The following SERTAD4 variants were observed in gnomAD, a reference collection of about 807,000 sequenced individuals.
The protein encoded by SERTAD4 is SERTA domain containing 4.
Under a neutral mutation model 32.9 loss-of-function variants are expected in SERTAD4, and 18 were observed. The ratio of observed to expected loss-of-function variants is 0.55; its 90% CI spans 0.38 to 0.81. The LOEUF (loss-of-function observed/expected upper bound fraction) is 0.81, where lower values mean the gene tolerates loss of function less well. Among genes scored for constraint, SERTAD4 ranks in the 30% least tolerant of loss-of-function variants. The pLI is 0.00. For synonymous variants in SERTAD4, 150 were observed against 156.4 expected (o/e 0.96, Z 0.30); for missense variants, 383 against 426.0 (o/e 0.90, Z 0.89).
At position 210,242,600 on chromosome 1, in the gene SERTAD4, A is replaced by C; in HGVS notation, c.*263A>C. The C allele has an allele frequency of 8.4e-7, 1 of 1,186,774 alleles. No individual in the cohort carries two copies. Among genetic ancestry groups the C allele is most frequent in the Admixed American group, 4.3e-5 (1 of 23,514 alleles). The allele number at this position is 1,186,774 out of a possible 1,614,324, so 73.5% of individuals were successfully genotyped here. On this transcript the variant is annotated 3_prime_UTR_variant, in exon 4 of 4. Coordinates refer to ENST00000367012, the MANE Select transcript of SERTAD4 (RefSeq NM_019605.5). This position sits in a 1 kb window ranked among gnomAD's most constrained non-coding sequence, Gnocchi z 4.0. ...ATATCATAGTTTTCTTACGGAAAAG[A>C]TCAGTAGATGAGATTGGGGGACAAT...
At position 210,245,742 on chromosome 1, in the gene SERTAD4, C is replaced by A; in HGVS notation, c.*3405C>A. On this transcript the variant is annotated 3_prime_UTR_variant, in exon 4 of 4. Coordinates refer to ENST00000367012, the MANE Select transcript of SERTAD4 (RefSeq NM_019605.5). ...CTCCATCAAGACATGGCTACCCACC[C>A]CTCCAGTTATGAACTTGTATTACAG... The A allele has an allele frequency of 7.4e-6, 7 of 948,320 alleles. No homozygotes were observed. The highest frequency in any genetic ancestry group is 8.8e-6 in the Non-Finnish European group (7 of 796,158). 58.7% of individuals were successfully genotyped at this position (948,320 alleles called of 1,614,324 possible). A position where few individuals can be genotyped will look rare whatever the true frequency, so the allele number is the denominator to read the frequency against.
intron 1 of SERTAD4, among the ~76,000 whole-genome samples, chr1:210,236,119 A>G (rs1296236726): frequency 6.6e-6 from 1 of 152,240 alleles, no homozygotes; most frequent in Non-Finnish European, 1.5e-5. Flanking sequence ...GGAGTTTGAG[A>G]AATGATAGAC....
Position 210,242,354 on chromosome 1 carries a change from A to C in SERTAD4, c.*17A>C, listed in dbSNP as rs1359139946. The stretch of plus-strand genomic sequence containing the variant: ...AAAATATGAGCCATCTTCTCACCGA[A>C]CTTTGAAGCATGCACAGCATGATCA... On this transcript the variant is annotated 3_prime_UTR_variant, in exon 4 of 4. Transcript: ENST00000367012. This position sits in a 1 kb window ranked among gnomAD's most constrained non-coding sequence, Gnocchi z 4.0. The C allele has an allele frequency of 6.5e-7, 1 of 1,542,002 alleles. No homozygotes were observed. Among genetic ancestry groups the C allele is most frequent in the Non-Finnish European group, 8.7e-7 (1 of 1,149,902 alleles).
Position 210,244,365 on chromosome 1 carries a change from AT to A in SERTAD4, c.*2032del, listed in dbSNP as rs1031206701. ...AGGTTATGTCTGAAAGAATGTAAAG[AT>A]TTTCCTTTCTGGAGTGTCTCTGAAA... On this transcript the variant is annotated 3_prime_UTR_variant, in exon 4 of 4. Transcript: ENST00000367012. The A allele has an allele frequency of 6.6e-6, 1 of 152,190 alleles. No homozygotes were observed. The highest frequency in any genetic ancestry group is 1.5e-5 in the Non-Finnish European group (1 of 68,024). 9.4% of individuals were successfully genotyped at this position (152,190 alleles called of 1,614,324 possible). A position where few individuals can be genotyped will look rare whatever the true frequency, so the allele number is the denominator to read the frequency against.
chr1:210,245,136 A>G lies in SERTAD4; in HGVS notation c.*2799A>G, dbSNP rs1302810621. The G allele has an allele frequency of 6.6e-6, 1 of 152,184 alleles. No individual in the cohort carries two copies. The highest frequency in any genetic ancestry group is 1.9e-4 in the East Asian group (1 of 5,200). 9.4% of individuals were successfully genotyped at this position (152,184 alleles called of 1,614,324 possible). ...TAGTTTTATCTCGAGCAACTTGGAA[A>G]AGCTAAGACATCCTCCACCCACACT... On this transcript the variant is annotated 3_prime_UTR_variant, in exon 4 of 4. Transcript: ENST00000367012.
At position 210,246,008 on chromosome 1, in the gene SERTAD4, T is replaced by C; in HGVS notation, c.*3671T>C. ...GCCCCTTAAATTTGAAGTTATTTCA[T>C]TTGTAGTTAAGGTTATCACATCCCT... is the stretch of plus-strand genomic sequence containing the variant. On this transcript the variant is annotated 3_prime_UTR_variant, in exon 4 of 4. Transcript: ENST00000367012. 1 of 868,686 alleles carries C rather than the reference T, an allele frequency of 1.2e-6. No homozygotes were observed. The highest frequency in any genetic ancestry group is 1.4e-6 in the Non-Finnish European group (1 of 723,500). The allele number at this position is 868,686 out of a possible 1,614,324, so 53.8% of individuals were successfully genotyped here. A position where few individuals can be genotyped will look rare whatever the true frequency, so the allele number is the denominator to read the frequency against.
chr1:210,246,430 C>T (rs1645731789), downstream of SERTAD4: 1 of 290,118 alleles, frequency 3.4e-6, no homozygotes, highest in South Asian at 1.3e-4. Flanking sequence ...TGGGAGAACT[C>T]ACTTAGGAAA....
chr1:210,243,022 T>G lies in SERTAD4; in HGVS notation c.*685T>G, dbSNP rs1558258999. 2 of 984,326 alleles carry G rather than the reference T, an allele frequency of 2.0e-6. No individual in the cohort carries two copies. Among genetic ancestry groups the G allele is most frequent in the African/African-American group, 3.5e-5 (2 of 56,586 alleles). 61.0% of individuals were successfully genotyped at this position (984,326 alleles called of 1,614,324 possible). A position where few individuals can be genotyped will look rare whatever the true frequency, so the allele number is the denominator to read the frequency against. On this transcript the variant is annotated 3_prime_UTR_variant, in exon 4 of 4. Coordinates refer to ENST00000367012, the MANE Select transcript of SERTAD4 (RefSeq NM_019605.5). Reference sequence around the variant, plus strand: ...ACAGGGCGATTTTTGGTGCCTTACTTTTATCTTAATTTTTGCCAATGTGAA... The same window carrying G: ...ACAGGGCGATTTTTGGTGCCTTACTGTTATCTTAATTTTTGCCAATGTGAA...
At chr1:210,238,383 C>G (rs1329561559) in intron 2 of SERTAD4, among the ~76,000 whole-genome samples, 1 of 152,174 alleles carries the variant, frequency 6.6e-6, no homozygotes, top group African/African-American at 2.4e-5. Flanking sequence ...AGTCATGTGT[C>G]TGTATTTTTA....
At position 210,245,094 on chromosome 1, in the gene SERTAD4, C is replaced by G. The variant is rs2084035372; in HGVS notation, c.*2757C>G. On this transcript the variant is annotated 3_prime_UTR_variant, in exon 4 of 4. Transcript: ENST00000367012. ...GGACACCCTTCATAGTAAGTTATATCTCTTAACTGGATTCTATAGTTTTAT... is the reference window on the plus strand; with the variant it reads ...GGACACCCTTCATAGTAAGTTATATGTCTTAACTGGATTCTATAGTTTTAT... 1 of 152,282 alleles carries G rather than the reference C, an allele frequency of 6.6e-6. No individual in the cohort carries two copies. The highest frequency in any genetic ancestry group is 1.5e-5 in the Non-Finnish European group (1 of 68,016). The allele number at this position is 152,282 out of a possible 1,614,324, so 9.4% of individuals were successfully genotyped here.
rs115873523 is a variant in SERTAD4 at position 210,235,400 on chromosome 1, A to G, written c.-18+2389A>G. Among the ~76,000 whole-genome samples, 387 of 152,274 alleles carry G rather than the reference A, an allele frequency of 2.5e-3. 1 individual carries two copies. The highest frequency in any genetic ancestry group is 8.9e-3 in the African/African-American group (370 of 41,548). On this transcript the variant is annotated intron_variant, in intron 1 of 3. Transcript: ENST00000367012. ...TGTAAGTTTTAAATAGACTAGGAAG[A>G]CTCAATTGCAAAATCTCCTCCCCGC...
At position 210,240,862 on chromosome 1, in the gene SERTAD4, T is replaced by G. The variant is rs1009356422; in HGVS notation, c.292-696T>G. On this transcript the variant is annotated intron_variant, in intron 3 of 3. Coordinates refer to ENST00000367012, the MANE Select transcript of SERTAD4 (RefSeq NM_019605.5). Reference sequence around the variant, plus strand: ...AATTGCAAGTATGAAACCCAAAGGATTAAAAGAGGGACAGCATTAAAAGCC... The same window carrying G: ...AATTGCAAGTATGAAACCCAAAGGAGTAAAAGAGGGACAGCATTAAAAGCC... 5.3e-5 allele frequency among the ~76,000 whole-genome samples: 8 copies of G among 152,192 alleles called. 1 individual carries two copies. Among genetic ancestry groups the G allele is most frequent in the African/African-American group, 1.9e-4 (8 of 41,434 alleles).
At chr1:210,246,498 C>G (rs1473566421), downstream of SERTAD4, 1 of 808,878 alleles carries the variant, frequency 1.2e-6, no homozygotes, top group Admixed American at 6.2e-5. Flanking sequence ...CCATAAAGTG[C>G]ATCAGCAAGT....
chr1:210,234,243 C>G (rs995798775), intron 1 of SERTAD4, among the ~76,000 whole-genome samples: 2 of 151,892 alleles, frequency 1.3e-5, no homozygotes, highest in Non-Finnish European at 2.9e-5. Context: ...GGCTGCCGCC[C>G]GCCTTCAAGA....
chr1:210,238,851 A>G (rs1272068566), intron 2 of SERTAD4, among the ~76,000 whole-genome samples: 1 of 152,226 alleles, frequency 6.6e-6, no homozygotes, highest in Non-Finnish European at 1.5e-5. Flanking sequence ...AGAAACTAAA[A>G]TATAAAACAA....
At position 210,243,093 on chromosome 1, in the gene SERTAD4, C is replaced by CAAAAAAAAAAA. The variant is rs57426441; in HGVS notation, c.*768_*778dup. The CAAAAAAAAAAA allele has an allele frequency of 5.8e-5, 28 of 486,530 alleles. No homozygotes were observed. Among genetic ancestry groups the CAAAAAAAAAAA allele is most frequent in the East Asian group, 4.8e-4 (2 of 4,194 alleles). 30.1% of individuals were successfully genotyped at this position (486,530 alleles called of 1,614,324 possible). A position where few individuals can be genotyped will look rare whatever the true frequency, so the allele number is the denominator to read the frequency against. ...TACAGCAGGGATTTAACAAACAGGA[C>CAAAAAAAAAAA]AAAAAAAAAAAAAAAAAAAAAACCA... On this transcript the variant is annotated 3_prime_UTR_variant, in exon 4 of 4. Transcript: ENST00000367012.
chr1:210,233,596 G>A (rs1460593914), intron 1 of SERTAD4: 1 of 453,230 alleles, frequency 2.2e-6, no homozygotes, highest in Non-Finnish European at 4.5e-6. Context: ...CAGCAGAGCT[G>A]CGCTGCGGGC....
At position 210,237,922 on chromosome 1, in the gene SERTAD4, T is replaced by C. The variant is rs765291628; in HGVS notation, c.-17-22T>C. Reference sequence around the variant, plus strand: ...ATTAGGGCTGTTTTCTTCATTCTTGTTTTTTTTTTTTTTCTTTTCAGATCT... The same window carrying C: ...ATTAGGGCTGTTTTCTTCATTCTTGCTTTTTTTTTTTTTCTTTTCAGATCT... On this transcript the variant is annotated intron_variant, in intron 1 of 3. Transcript: ENST00000367012. 3 of 368,028 alleles carry C rather than the reference T, an allele frequency of 8.2e-6. No individual in the cohort carries two copies. In the South Asian group the frequency reaches 1.3e-4, roughly 16 times the overall value. 22.8% of individuals were successfully genotyped at this position (368,028 alleles called of 1,614,324 possible). A position where few individuals can be genotyped will look rare whatever the true frequency, so the allele number is the denominator to read the frequency against.
In SERTAD4 at chr1:210,243,247, G is replaced by A. The variant is rs2084018299; in HGVS notation, c.*910G>A. 1 of 566,200 alleles carries A rather than the reference G, an allele frequency of 1.8e-6. No homozygotes were observed. Among genetic ancestry groups the A allele is most frequent in the African/African-American group, 2.1e-5 (1 of 47,984 alleles). The allele number at this position is 566,200 out of a possible 1,614,324, so 35.1% of individuals were successfully genotyped here. ...GATTCGCCGTTTTTTCAATAGGGAT[G>A]GAGGAAATGAGAGAGAGAGCTGTTA... is the stretch of plus-strand genomic sequence containing the variant. On this transcript the variant is annotated 3_prime_UTR_variant, in exon 4 of 4. Transcript: ENST00000367012.
Sources: gnomAD v4.1 joint callset for allele counts (sites outside exome capture counted in the v4.1 genomes callset) on GRCh38, gnomAD v4.1.1 for gene constraint, Gnocchi (gnomAD v3.1) non-coding constraint, MANE v1.5 for transcripts, NCBI Gene and HGNC (gene_info 2026-07-23, HGNC 2026-07-21) for gene names.